The following CHRM3 variants were observed in gnomAD, a reference collection of about 807,000 sequenced individuals.
The protein encoded by CHRM3 is muscarinic acetylcholine receptor M3.
CHRM3 carries 11 observed loss-of-function variants against 41.8 expected under a neutral mutation model. That is an observed-to-expected ratio of 0.26 (90% CI 0.17 to 0.44). CHRM3 has a LOEUF of 0.44. Among genes scored for constraint, CHRM3 ranks in the 20% least tolerant of loss-of-function variants. The probability of loss-of-function intolerance (pLI) is 1.00; values close to 1 mark genes in which losing one functional copy is unlikely to be tolerated. For synonymous variants in CHRM3, 297 were observed against 301.4 expected, an observed-to-expected ratio of 0.99 and a Z score of 0.15; for missense variants, 571 against 745.4, an observed-to-expected ratio of 0.77 and a Z score of 2.72.
intron 5 of CHRM3, among the ~76,000 whole-genome samples, chr1:239,810,753 T>C (rs1446198554): frequency 1.3e-5 from 2 of 152,262 alleles, no homozygotes; most frequent in Non-Finnish European, 2.9e-5. Context: ...GGTTGAACTA[T>C]TTAGTTGTGA....
intron 5 of CHRM3, among the ~76,000 whole-genome samples, chr1:239,812,384 T>C (rs1297361533): frequency 6.6e-6 from 1 of 152,206 alleles, no homozygotes; most frequent in Non-Finnish European, 1.5e-5. Flanking sequence ...CTGAGTAAGG[T>C]ACCTAACATC....
At chr1:239,549,082 A>G (rs1008828988) in intron 3 of CHRM3, among the ~76,000 whole-genome samples, 11 of 151,498 alleles carry the variant, frequency 7.3e-5, no homozygotes, top group African/African-American at 2.7e-4. Flanking sequence ...GTGCAGGGGA[A>G]CTCCCCCTTA....
chr1:239,824,034 G>A (rs1672260245), intron 5 of CHRM3, among the ~76,000 whole-genome samples: 1 of 151,980 alleles, frequency 6.6e-6, no homozygotes, highest in Non-Finnish European at 1.5e-5. Flanking sequence ...CTGTGACTCG[G>A]GAGCATGTGC....
intron 1 of CHRM3, among the ~76,000 whole-genome samples, chr1:239,445,018 C>G (rs1328907816): frequency 6.6e-6 from 1 of 152,100 alleles, no homozygotes; most frequent in Non-Finnish European, 1.5e-5. Flanking sequence ...TGCAGTGGGC[C>G]ACTGGATTTG....
At chr1:239,715,216 A>C (rs560491790) in intron 5 of CHRM3, among the ~76,000 whole-genome samples, 2 of 120,822 alleles carry the variant, frequency 1.7e-5, no homozygotes, top group East Asian at 4.9e-4. Context: ...AGGCATATTT[A>C]AATTGGTTAA....
chr1:239,405,963 A>G (rs890720530), intron 1 of CHRM3, among the ~76,000 whole-genome samples: 18 of 152,050 alleles, frequency 1.2e-4, no homozygotes, highest in Admixed American at 5.9e-4. Context: ...GCTCACTGCA[A>G]TCACTGCAAC....
chr1:239,697,511 T>G (rs1660309988), intron 5 of CHRM3, among the ~76,000 whole-genome samples: 1 of 152,070 alleles, frequency 6.6e-6, no homozygotes, highest in African/African-American at 2.4e-5. Context: ...AGGAGAAGCA[T>G]TTGAGCAAAA....
intron 5 of CHRM3, among the ~76,000 whole-genome samples, chr1:239,699,504 A>G (rs959519528): frequency 2.0e-5 from 3 of 152,156 alleles, no homozygotes; most frequent in African/African-American, 4.8e-5. Flanking sequence ...CAGGAATTGA[A>G]TGGTCTAGCA....
chr1:239,434,468 A>G (rs1663072222), intron 1 of CHRM3, among the ~76,000 whole-genome samples: 1 of 152,200 alleles, frequency 6.6e-6, no homozygotes, highest in Admixed American at 6.5e-5. Flanking sequence ...GCTGCCCTAC[A>G]GTATTCCAAG....
intron 1 of CHRM3, among the ~76,000 whole-genome samples, chr1:239,472,800 C>T (rs1666216421): frequency 6.6e-6 from 1 of 152,026 alleles, no homozygotes; most frequent in African/African-American, 2.4e-5. Context: ...AGGTGATGGG[C>T]TGATAGGTGC....
In CHRM3 at chr1:239,434,816, G is replaced by A. The variant is rs148217910; in HGVS notation, c.-521+47589G>A. Among the ~76,000 whole-genome samples the A allele has an allele frequency of 5.3e-5, 8 of 152,218 alleles. No individual in the cohort carries two copies. The South Asian group carries it at 1.2e-3, about 24-fold the overall frequency. Reference sequence around the variant, plus strand: ...AGAAGAAAAGAAAATAGGAGGGAGGGATTGAGATGAAAATGTGGAATTGTA... The same window carrying A: ...AGAAGAAAAGAAAATAGGAGGGAGGAATTGAGATGAAAATGTGGAATTGTA... On this transcript the variant is annotated intron_variant, in intron 1 of 6. Transcript: ENST00000676153.
At chr1:239,764,633 A>G (rs186653383) in intron 5 of CHRM3, among the ~76,000 whole-genome samples, 78 of 152,396 alleles carry the variant, frequency 5.1e-4, no homozygotes, top group African/African-American at 1.8e-3. Flanking sequence ...GTGTGCCTAC[A>G]GATGCCTGCT....
chr1:239,637,909 C>G (rs1319419270), intron 4 of CHRM3, among the ~76,000 whole-genome samples: 1 of 95,648 alleles, frequency 1.0e-5, no homozygotes, highest in East Asian at 3.9e-4. Flanking sequence ...CTATCCCTCC[C>G]CCCTCCCCCC....
intron 1 of CHRM3, among the ~76,000 whole-genome samples, chr1:239,448,415 T>C (rs1453762300): frequency 6.6e-6 from 1 of 152,180 alleles, no homozygotes; most frequent in East Asian, 1.9e-4. Context: ...ATTATTAATA[T>C]ATTAGGTTGG....
At chr1:239,716,704 G>A (rs1662410014) in intron 5 of CHRM3, among the ~76,000 whole-genome samples, 1 of 151,820 alleles carries the variant, frequency 6.6e-6, no homozygotes. Context: ...AAAAAGAAGA[G>A]GAAGAGGAGA....
At chr1:239,864,247 C>G (rs993741339) in intron 6 of CHRM3, among the ~76,000 whole-genome samples, 1 of 152,148 alleles carries the variant, frequency 6.6e-6, no homozygotes, top group Admixed American at 6.5e-5. Context: ...TGGCTCATGC[C>G]TGTAATCCCA....
intron 1 of CHRM3, among the ~76,000 whole-genome samples, chr1:239,440,053 C>A (rs1429886058): frequency 6.6e-6 from 1 of 151,852 alleles, no homozygotes; most frequent in Non-Finnish European, 1.5e-5. Flanking sequence ...TAAAAATTAG[C>A]CAGCCATGGT....
At chr1:239,492,479 C>G (rs1452427211) in intron 1 of CHRM3, among the ~76,000 whole-genome samples, 1 of 152,186 alleles carries the variant, frequency 6.6e-6, no homozygotes, top group African/African-American at 2.4e-5. Flanking sequence ...ACCCACTCAT[C>G]TAAACACTGG....
chr1:239,844,139 A>G (rs897469848), intron 6 of CHRM3, among the ~76,000 whole-genome samples: 6 of 152,198 alleles, frequency 3.9e-5, no homozygotes, highest in African/African-American at 1.4e-4. Flanking sequence ...GTTATTCAAC[A>G]TAGTCACCAT....
Sources: allele counts gnomAD v4.1 joint callset (sites outside exome capture counted in the v4.1 genomes callset), GRCh38; gene constraint gnomAD v4.1.1; transcripts MANE v1.5; gene names NCBI Gene and HGNC (gene_info 2026-07-23, HGNC 2026-07-21).